COL21A1: variants seen among roughly 807,000 people sequenced by gnomAD.
COL21A1 encodes collagen alpha-1(XXI) chain.
Under a neutral mutation model 137.9 loss-of-function variants are expected in COL21A1, and 149 were observed. That is an observed-to-expected ratio of 1.08 (90% CI 0.95 to 1.24). The LOEUF (loss-of-function observed/expected upper bound fraction) is 1.24. COL21A1 is among the 50% of genes most tolerant of loss of function. COL21A1 has a pLI of 0.00. For missense variants in COL21A1, 1,167 were observed against 1,158.4 expected (o/e 1.01, Z -0.11); for synonymous variants, 456 against 391.5 (o/e 1.16, Z -1.95).
intron 1 of COL21A1, among the ~76,000 whole-genome samples, chr6:56,331,587 T>A (rs1045957595): frequency 1.3e-5 from 2 of 152,086 alleles, no homozygotes; most frequent in Non-Finnish European, 1.5e-5. Flanking sequence ...CAGTTGGTTG[T>A]ATGTATGTGG....
intron 1 of COL21A1, among the ~76,000 whole-genome samples, chr6:56,345,288 G>A (rs1765570253): frequency 1.3e-5 from 2 of 152,098 alleles, no homozygotes; most frequent in African/African-American, 4.8e-5. Context: ...GACTGCTGGG[G>A]GGAGATATTT....
chr6:56,315,736 T>C (rs1764716318), intron 1 of COL21A1, among the ~76,000 whole-genome samples: 1 of 151,478 alleles, frequency 6.6e-6, no homozygotes, highest in South Asian at 2.1e-4. Flanking sequence ...CATAGATCTT[T>C]GCAATTGCCT....
intron 5 of COL21A1, among the ~76,000 whole-genome samples, chr6:56,168,692 T>C (rs1049173854): frequency 6.6e-6 from 1 of 151,982 alleles, no homozygotes; most frequent in Non-Finnish European, 1.5e-5. Flanking sequence ...ATTCAAACAA[T>C]CTTGATCATT....
intron 14 of COL21A1, 176 bp downstream of exon 14, chr6:56,125,391 G>A (rs185467247): frequency 4.6e-6 from 2 of 433,828 alleles, no homozygotes; most frequent in East Asian, 3.5e-5. Flanking sequence ...ATAGCAGTCT[G>A]CAGTCACCAG....
At chr6:56,333,292 C>T (rs1011612405) in intron 1 of COL21A1, among the ~76,000 whole-genome samples, 1 of 140,842 alleles carries the variant, frequency 7.1e-6, no homozygotes, top group African/African-American at 2.5e-5. Context: ...CTCTCTGTTC[C>T]CTCCCACCCT....
intron 1 of COL21A1, among the ~76,000 whole-genome samples, chr6:56,391,437 G>C (rs1398142362): frequency 6.6e-6 from 1 of 151,440 alleles, no homozygotes; most frequent in Non-Finnish European, 1.5e-5. Context: ...AATAATAAAG[G>C]TCAGAGTAGA....
chr6:56,267,280 A>G (rs1394568795), intron 1 of COL21A1, among the ~76,000 whole-genome samples: 2 of 152,196 alleles, frequency 1.3e-5, no homozygotes, highest in African/African-American at 4.8e-5. Flanking sequence ...TCTTCCTAGT[A>G]ACATTGCCTG....
At chr6:56,110,749 T>C (rs907711153) in intron 16 of COL21A1, among the ~76,000 whole-genome samples, 6 of 152,004 alleles carry the variant, frequency 3.9e-5, no homozygotes, top group African/African-American at 1.4e-4. Flanking sequence ...TACAATAAAA[T>C]ACTTAGATAT....
At chr6:56,076,330 G>C (rs1767238591) in intron 18 of COL21A1, among the ~76,000 whole-genome samples, 1 of 151,408 alleles carries the variant, frequency 6.6e-6, no homozygotes, top group Admixed American at 6.6e-5. Flanking sequence ...TCTAAATTAA[G>C]ATGAAGCAAT....
chr6:56,201,673 T>G (rs767723551), intron 1 of COL21A1, among the ~76,000 whole-genome samples: 2 of 152,166 alleles, frequency 1.3e-5, no homozygotes, highest in Non-Finnish European at 1.5e-5. Flanking sequence ...TATGTATTAA[T>G]TTCTCATAAA....
Position 56,276,073 on chromosome 6 carries a change from A to G in COL21A1, c.-38-93417T>C, listed in dbSNP as rs368313766. On this transcript the variant is annotated intron_variant, in intron 1 of 28. Coordinates refer to the COL21A1 transcript ENST00000370819. ...AGAGTGAAATGTCCTTTCCAGCAAC[A>G]TGGAGGCAGCTAGAGACCAAAATCA... Among the ~76,000 whole-genome samples, 34 of 152,310 alleles carry G rather than the reference A, an allele frequency of 2.2e-4. No individual in the cohort carries two copies. In the East Asian group the frequency reaches 3.5e-3, roughly 16 times the overall value.
At chr6:56,119,205 T>C (rs115986444) in intron 16 of COL21A1, among the ~76,000 whole-genome samples, 1 of 152,192 alleles carries the variant, frequency 6.6e-6, no homozygotes, top group Non-Finnish European at 1.5e-5. Context: ...AACAAACTAT[T>C]AAACTGATAA....
At chr6:56,113,923 G>A (rs1271063034) in intron 16 of COL21A1, among the ~76,000 whole-genome samples, 2 of 152,164 alleles carry the variant, frequency 1.3e-5, no homozygotes, top group African/African-American at 4.8e-5. Context: ...GTGGTCATCT[G>A]GCAGTACTCC....
intron 1 of COL21A1, among the ~76,000 whole-genome samples, chr6:56,311,858 A>T (rs1305851487): frequency 6.6e-6 from 1 of 152,224 alleles, no homozygotes; most frequent in Non-Finnish European, 1.5e-5. Context: ...ATGTTAGCAC[A>T]AAGGGGAAAC....
chr6:56,328,297 T>C (rs1425670107), intron 1 of COL21A1, among the ~76,000 whole-genome samples: 1 of 152,080 alleles, frequency 6.6e-6, no homozygotes, highest in Non-Finnish European at 1.5e-5. Context: ...CTATCTCAAA[T>C]TTGATAATAC....
At chr6:56,330,746 G>A (rs9357911) in intron 1 of COL21A1, among the ~76,000 whole-genome samples, 106,461 of 151,994 alleles carry the variant, frequency 0.7, 37,616 homozygotes, top group East Asian at 0.9. Flanking sequence ...TATTGTGAAT[G>A]GAGCTGTGAT....
In COL21A1 at chr6:56,075,501, T is replaced by A; in HGVS notation, c.1889A>T (p.Lys630Ile). The A allele has an allele frequency of 6.5e-7, 1 of 1,538,756 alleles. No individual in the cohort carries two copies. Among genetic ancestry groups the A allele is most frequent in the Non-Finnish European group, 8.8e-7 (1 of 1,142,236 alleles). ...GEIGPPGQQGKKGAPGMPGLM... is the reference protein window; with the variant it reads ...GEIGPPGQQGIKGAPGMPGLM... ...TACAGGCATCCCTGGGGCTCCTTTT[T>A]TTCCTTGCTGTCCTGGAGGCCCAAT... The change falls in exon 19 of 30, where the codon AAA becomes ATA. Residue 630 changes from lysine to isoleucine, a missense_variant. Transcript: ENST00000244728.
rs58797140 is a variant in COL21A1, at chr6:56,159,279, C to T, written c.1372-2330G>A. On this transcript the variant is annotated intron_variant, in intron 9 of 29. Transcript: ENST00000244728. ...AACTAGTGTTTTCTCAAAGTTTTCC[C>T]TTGGTTAGTCTTCATTTATCACTTG... Among the ~76,000 whole-genome samples the T allele has an allele frequency of 2.2e-4, 34 of 151,634 alleles. No individual in the cohort carries two copies. In the East Asian group the frequency reaches 5.6e-3, roughly 25 times the overall value.
chr6:56,323,838 T>C (rs1582780527), intron 1 of COL21A1, among the ~76,000 whole-genome samples: 3 of 152,136 alleles, frequency 2.0e-5, no homozygotes, highest in Admixed American at 2.0e-4. Context: ...ATTATTACTA[T>C]GATGTAGCCT....
Sources: allele counts gnomAD v4.1 joint callset (sites outside exome capture counted in the v4.1 genomes callset), GRCh38; gene constraint gnomAD v4.1.1; transcripts MANE v1.5; gene names NCBI Gene and HGNC (gene_info 2026-07-23, HGNC 2026-07-21).